TACC2: variants seen among roughly 807,000 people sequenced by gnomAD.
TACC2 encodes transforming acidic coiled-coil-containing protein 2.
A neutral mutation model predicts 227.3 loss-of-function variants in TACC2; 137 were observed. The observed-to-expected ratio is 0.60, with a 90% CI of 0.52 to 0.69. The LOEUF (loss-of-function observed/expected upper bound fraction) is 0.69. TACC2 is among the 30% of genes least tolerant of loss of function. TACC2 has a pLI of 0.00. For missense variants in TACC2, 3,470 were observed against 3,694.4 expected, an observed-to-expected ratio of 0.94 and a Z score of 1.57; for synonymous variants, 1,523 against 1,487.5, an observed-to-expected ratio of 1.02 and a Z score of -0.55.
Position 122,180,423 on chromosome 10 carries a change from C to T in TACC2, c.5835-14617C>T, listed in dbSNP as rs942453661. Among the ~76,000 whole-genome samples the T allele has an allele frequency of 2.0e-5, 3 of 151,894 alleles. No homozygotes were observed. Among genetic ancestry groups the T allele is most frequent in the African/African-American group, 7.3e-5 (3 of 41,366 alleles). On this transcript the variant is annotated intron_variant, in intron 7 of 22. Transcript: ENST00000369005. This position sits in a 1 kb window ranked among gnomAD's most constrained non-coding sequence, Gnocchi z 4.5. ...CGCAATTTCAGCTCACTGCAAGCTCCGCTTCCCAGGTTCACGCCATTCTCC... is the reference window on the plus strand; with the variant it reads ...CGCAATTTCAGCTCACTGCAAGCTCTGCTTCCCAGGTTCACGCCATTCTCC...
At chr10:122,078,537 A>G (rs952233684) in intron 3 of TACC2, among the ~76,000 whole-genome samples, 3 of 152,202 alleles carry the variant, frequency 2.0e-5, no homozygotes, top group Admixed American at 6.5e-5. Flanking sequence ...TGGAGGCTCT[A>G]GTCCCTGGGC....
At chr10:122,199,876 GAC>G (rs1361662909) in intron 8 of TACC2, among the ~76,000 whole-genome samples, 1 of 152,126 alleles carries the variant, frequency 6.6e-6, no homozygotes, top group East Asian at 1.9e-4. Context: ...ATGGTGAAAG[GAC>G]ACACAGTCTT....
intron 7 of TACC2, among the ~76,000 whole-genome samples, chr10:122,175,953 C>T (rs1235695436): frequency 6.6e-6 from 1 of 151,980 alleles, no homozygotes; most frequent in African/African-American, 2.4e-5. Flanking sequence ...CGGTGGTGCA[C>T]GCCTATAGTC....
intron 8 of TACC2, among the ~76,000 whole-genome samples, chr10:122,204,166 G>C (rs1454275469): frequency 7.2e-6 from 1 of 138,622 alleles, no homozygotes; most frequent in Non-Finnish European, 1.5e-5. Context: ...GGGAGAGGGA[G>C]ACCGTGGGGA....
rs144877654 is a variant in TACC2 at position 122,132,731 on chromosome 10, A to G, written c.5696A>G (p.Gln1899Arg). The G allele has an allele frequency of 2.5e-6, 4 of 1,614,062 alleles. No individual in the cohort carries two copies. Among genetic ancestry groups the G allele is most frequent in the Non-Finnish European group, 3.4e-6 (4 of 1,179,984 alleles). ...CAGGTCTCTACGGATCTGATAGCCC[A>G]GAGGTACGGTGGGGGCCCTGGAGCT... ...VGQVSTDLIA[Q>R]SISPAAAHAG... is the part of the protein sequence containing the mutation. Residue 1899 changes from glutamine (Q) to arginine (R), a missense_variant, in exon 6 of 23, where the codon CAG becomes CGG. By Grantham distance (43) the Gln-to-Arg change is conservative (BLOSUM62 1). Around this residue, in one of 10 missense-constraint regions of TACC2, gnomAD observed 1,924 missense variants for 1,978.3 expected, o/e 0.97. Coordinates refer to ENST00000369005, the MANE Select transcript of TACC2 (RefSeq NM_206862.4).
intron 9 of TACC2, among the ~76,000 whole-genome samples, chr10:122,212,104 C>T (rs1049024890): frequency 1.3e-5 from 2 of 152,198 alleles, no homozygotes; most frequent in South Asian, 2.1e-4. Flanking sequence ...GGGAGATACA[C>T]CCTTTAAAAT....
chr10:122,057,608 G>A (rs1284183631), intron 3 of TACC2, among the ~76,000 whole-genome samples: 2 of 151,902 alleles, frequency 1.3e-5, no homozygotes, highest in Admixed American at 6.6e-5. Flanking sequence ...TTCGAGACCA[G>A]CCTGACCAAC....
At chr10:122,190,836 C>T (rs1400980787) in intron 7 of TACC2, among the ~76,000 whole-genome samples, 1 of 152,122 alleles carries the variant, frequency 6.6e-6, no homozygotes, top group Non-Finnish European at 1.5e-5. Context: ...CTCCAAACAA[C>T]TTAATTGCTC....
intron 1 of TACC2, among the ~76,000 whole-genome samples, chr10:121,993,577 C>T (rs1185703264): frequency 6.6e-6 from 1 of 152,038 alleles, no homozygotes; most frequent in Non-Finnish European, 1.5e-5. Flanking sequence ...AGTATTTACA[C>T]ATAAATGTAT....
At chr10:122,168,794 C>G (rs1371385996) in intron 7 of TACC2, among the ~76,000 whole-genome samples, 1 of 152,244 alleles carries the variant, frequency 6.6e-6, no homozygotes, top group Non-Finnish European at 1.5e-5. Context: ...CTGTCTACAG[C>G]CTGTTTCTGT....
intron 5 of TACC2, among the ~76,000 whole-genome samples, chr10:122,101,629 G>T (rs544681635): frequency 2.8e-5 from 4 of 141,380 alleles, no homozygotes; most frequent in Non-Finnish European, 6.1e-5. Context: ...GTGTGATCTC[G>T]GCTCACTGCA....
At chr10:122,177,384 C>T (rs2093768417) in intron 7 of TACC2, among the ~76,000 whole-genome samples, 1 of 152,140 alleles carries the variant, frequency 6.6e-6, no homozygotes, top group South Asian at 2.1e-4. Context: ...TGTTTGTGCA[C>T]AGGGCCTTTT....
At chr10:122,005,749 A>G (rs1213876390) in intron 1 of TACC2, among the ~76,000 whole-genome samples, 6 of 145,750 alleles carry the variant, frequency 4.1e-5, no homozygotes, top group Non-Finnish European at 7.5e-5. Flanking sequence ...GCTGGAGTGC[A>G]ATAGCACGAC....
intron 1 of TACC2, among the ~76,000 whole-genome samples, chr10:122,003,646 T>A (rs762041141): frequency 1.3e-5 from 2 of 151,760 alleles, no homozygotes; most frequent in Non-Finnish European, 2.9e-5. Flanking sequence ...TTTCCAAAAC[T>A]AAACCACCTT....
At chr10:122,038,596 G>A (rs1464018395) in intron 2 of TACC2, among the ~76,000 whole-genome samples, 46 of 152,172 alleles carry the variant, frequency 3.0e-4, no homozygotes, top group Admixed American at 2.8e-3. Context: ...CGTCGTGGGC[G>A]TACTTGAGGT....
At chr10:122,196,181 C>A (rs1263633957) in intron 8 of TACC2, among the ~76,000 whole-genome samples, 2 of 152,234 alleles carry the variant, frequency 1.3e-5, no homozygotes. Context: ...AATACAATAA[C>A]ATTTTGACCT....
chr10:122,169,253 C>G (rs11200445), intron 7 of TACC2, among the ~76,000 whole-genome samples: 12,422 of 152,296 alleles, frequency 0.082, 656 homozygotes, highest in Middle Eastern at 0.16. Flanking sequence ...GAAAAGCCCA[C>G]TGAGCAGGCT....
chr10:122,102,624 T>C (rs2082300498), intron 5 of TACC2, among the ~76,000 whole-genome samples: 1 of 152,224 alleles, frequency 6.6e-6, no homozygotes, highest in African/African-American at 2.4e-5. Context: ...TTATTTTAAA[T>C]TGGGACTAGG....
At chr10:122,223,394 C>CTTCTGTG (rs2095560828) in intron 11 of TACC2, among the ~76,000 whole-genome samples, 5 of 151,926 alleles carry the variant, frequency 3.3e-5, no homozygotes, top group African/African-American at 1.2e-4. Flanking sequence ...ATGCTTCTGT[C>CTTCTGTG]TTAAGTTGGG....
Sources: gnomAD v4.1 joint callset for allele counts (sites outside exome capture counted in the v4.1 genomes callset) on GRCh38, gnomAD v4.1.1 for gene constraint, gnomAD v4.1.1 regional missense constraint, Gnocchi (gnomAD v3.1) non-coding constraint, MANE v1.5 for transcripts, NCBI Gene and HGNC (gene_info 2026-07-23, HGNC 2026-07-21) for gene names.